SDK1: variants seen among roughly 807,000 people sequenced by gnomAD.
SDK1 encodes sidekick cell adhesion molecule 1, also known as protein sidekick-1.
A neutral mutation model predicts 245.5 loss-of-function variants in SDK1; 157 were observed. That is an observed-to-expected ratio of 0.64 (90% confidence interval 0.56 to 0.73). The LOEUF (loss-of-function observed/expected upper bound fraction) is 0.73. SDK1 is among the 30% of genes least tolerant of loss of function. SDK1 has a pLI of 0.00. For synonymous variants in SDK1, 1,647 were observed against 1,278.5 expected (o/e 1.29, Z -6.15); for missense variants, 3,583 against 3,002.3 (o/e 1.19, Z -4.52).
intron 28 of SDK1, chr7:4,132,643 G>A (rs1202243278): frequency 1.8e-5 from 8 of 449,380 alleles, no homozygotes; most frequent in Middle Eastern, 6.4e-4. Flanking sequence ...TGGGAGGATC[G>A]CTTGAGCCCA....
At position 4,178,626 on chromosome 7, in the gene SDK1, C is replaced by T. The variant is rs769303131; in HGVS notation, c.5098+40C>T. The T allele has an allele frequency of 3.8e-5, 55 of 1,448,340 alleles. 1 individual carries two copies. In the Middle Eastern group the frequency reaches 1.3e-3, roughly 35 times the overall value. The allele number at this position is 1,448,340 out of a possible 1,614,324, so 89.7% of individuals were successfully genotyped here. A position where few individuals can be genotyped will look rare whatever the true frequency, so the allele number is the denominator to read the frequency against. Reference sequence around the variant, plus strand: ...CCCCCAACCCCACTGCCAGAGAGGGCCACAGTGGTGGGGACAGCCAGGCAC... The same window carrying T: ...CCCCCAACCCCACTGCCAGAGAGGGTCACAGTGGTGGGGACAGCCAGGCAC... On this transcript the variant is annotated intron_variant, in intron 35 of 44. Coordinates refer to ENST00000404826, the MANE Select transcript of SDK1 (RefSeq NM_152744.4).
At chr7:3,492,021 G>A (rs1370288664) in intron 1 of SDK1, among the ~76,000 whole-genome samples, 2 of 152,104 alleles carry the variant, frequency 1.3e-5, no homozygotes, top group Non-Finnish European at 2.9e-5. Flanking sequence ...AATTTACATT[G>A]ACTTCCTGTT....
chr7:3,473,093 A>G (rs1781234281), intron 1 of SDK1, among the ~76,000 whole-genome samples: 1 of 152,092 alleles, frequency 6.6e-6, no homozygotes, highest in Non-Finnish European at 1.5e-5. Context: ...TTGTTTTCAT[A>G]TGTACACATT....
chr7:4,158,667 G>A (rs1780925143), intron 31 of SDK1, 116 bp downstream of exon 31: 1 of 693,862 alleles, frequency 1.4e-6, no homozygotes, highest in Non-Finnish European at 2.5e-6. Flanking sequence ...GTGGAAAGCA[G>A]TAGAATTCCA....
chr7:4,143,541 C>T (rs893326600), intron 28 of SDK1, among the ~76,000 whole-genome samples: 2 of 152,158 alleles, frequency 1.3e-5, no homozygotes, highest in South Asian at 2.1e-4. Context: ...GGCTCATCCA[C>T]GGTCACACAG....
intron 1 of SDK1, among the ~76,000 whole-genome samples, chr7:3,360,156 T>A (rs769324176): frequency 6.6e-6 from 1 of 152,204 alleles, no homozygotes; most frequent in Non-Finnish European, 1.5e-5. Flanking sequence ...TAACCACTTT[T>A]ATTAGTTTGC....
intron 28 of SDK1, among the ~76,000 whole-genome samples, chr7:4,144,796 G>A (rs1779840928): frequency 6.6e-6 from 1 of 152,210 alleles, no homozygotes; most frequent in Admixed American, 6.5e-5. Context: ...GCACTGATGA[G>A]ACCGGAGCGC....
At chr7:4,092,099 T>G (rs1247636455) in intron 22 of SDK1, among the ~76,000 whole-genome samples, 1 of 152,188 alleles carries the variant, frequency 6.6e-6, no homozygotes, top group Non-Finnish European at 1.5e-5. Context: ...CTGTGAGGCT[T>G]TAGGGAAGTC....
intron 4 of SDK1, among the ~76,000 whole-genome samples, chr7:3,744,641 C>G (rs879112323): frequency 9.9e-5 from 15 of 152,038 alleles, no homozygotes; most frequent in Non-Finnish European, 2.1e-4. Context: ...GAAACCCCGT[C>G]TCTACTACAA....
At chr7:3,546,567 C>T (rs1172587861) in intron 1 of SDK1, among the ~76,000 whole-genome samples, 1 of 152,190 alleles carries the variant, frequency 6.6e-6, no homozygotes, top group Non-Finnish European at 1.5e-5. Context: ...AAAAAGAGAA[C>T]AGGAGAAATG....
chr7:4,135,649 G>A (rs957979331), intron 28 of SDK1, among the ~76,000 whole-genome samples: 1 of 152,196 alleles, frequency 6.6e-6, no homozygotes, highest in Non-Finnish European at 1.5e-5. Flanking sequence ...ATTTATGCGT[G>A]TTTCTTAGCA....
chr7:4,067,435 C>T (rs1052144840), intron 19 of SDK1, among the ~76,000 whole-genome samples: 5 of 152,152 alleles, frequency 3.3e-5, no homozygotes, highest in Non-Finnish European at 7.3e-5. Flanking sequence ...TTCTGGTTTG[C>T]ACAAGGTTAC....
Position 3,574,981 on chromosome 7 carries a change from C to A in SDK1, c.299-44099C>A, listed in dbSNP as rs186693788. ...ACGGGTAGTCATGTCTGGAGTTACC[C>A]TTTCTGCCCCACTTCCAGTTGCTGG... On this transcript the variant is annotated intron_variant, in intron 1 of 44. Coordinates refer to ENST00000404826, the MANE Select transcript of SDK1 (RefSeq NM_152744.4). 1.4e-3 allele frequency among the ~76,000 whole-genome samples: 214 copies of A among 152,132 alleles called. 2 individuals are homozygous for A. The highest frequency in any genetic ancestry group is 6.8e-3 in the Middle Eastern group (2 of 294).
intron 4 of SDK1, among the ~76,000 whole-genome samples, chr7:3,722,356 C>G (rs1017851582): frequency 6.6e-6 from 1 of 152,142 alleles, no homozygotes; most frequent in Non-Finnish European, 1.5e-5. Flanking sequence ...AGAACAATCT[C>G]TCTCCCCTGG....
intron 2 of SDK1, among the ~76,000 whole-genome samples, chr7:3,625,313 A>T (rs539858829): frequency 2.6e-5 from 4 of 152,240 alleles, no homozygotes; most frequent in Non-Finnish European, 5.9e-5. Context: ...TGTATAAAAG[A>T]TACAAAATTT....
At position 4,161,783 on chromosome 7, in the gene SDK1, C is replaced by G; in HGVS notation, c.4730-3C>G. 2 of 1,612,216 alleles carry G rather than the reference C, an allele frequency of 1.2e-6. No individual in the cohort carries two copies. The highest frequency in any genetic ancestry group is 1.7e-6 in the Non-Finnish European group (2 of 1,178,600). On this transcript the variant is annotated splice_polypyrimidine_tract_variant and splice_region_variant and intron_variant, in intron 31 of 44. Coordinates refer to ENST00000404826, the MANE Select transcript of SDK1 (RefSeq NM_152744.4). ...CCCCGCTTTCCTCTCCTGTGTGTTT[C>G]AGTTCCAGGAGAGCCCCCGGGATCT...
chr7:4,104,118 T>C (rs529428219), intron 22 of SDK1, among the ~76,000 whole-genome samples: 240 of 152,348 alleles, frequency 1.6e-3, no homozygotes, highest in Non-Finnish European at 1.8e-3. Flanking sequence ...GGAGTGCAGT[T>C]GCATAATCAC....
intron 5 of SDK1, among the ~76,000 whole-genome samples, chr7:3,843,426 G>T (rs1297518404): frequency 6.6e-6 from 1 of 152,152 alleles, no homozygotes; most frequent in African/African-American, 2.4e-5. Flanking sequence ...TTACTATGGA[G>T]AAGAAATTGT....
At chr7:4,023,122 C>T (rs115339749) in intron 17 of SDK1, among the ~76,000 whole-genome samples, 3,774 of 152,156 alleles carry the variant, frequency 0.025, 163 homozygotes, top group African/African-American at 0.085. Flanking sequence ...ATTTACAATG[C>T]ATGGTTTGTC....
Sources: allele counts gnomAD v4.1 joint callset (sites outside exome capture counted in the v4.1 genomes callset), GRCh38; gene constraint gnomAD v4.1.1; transcripts MANE v1.5; gene names NCBI Gene and HGNC (gene_info 2026-07-23, HGNC 2026-07-21).